The following CNOT1 variants were observed in gnomAD, a reference collection of about 807,000 sequenced individuals.
CNOT1 encodes CCR4-NOT transcription complex subunit 1.
In CNOT1, 15 loss-of-function variants were observed where a neutral mutation model predicts 273.8. The observed-to-expected ratio is 0.05, with a 90% CI of 0.04 to 0.08. The LOEUF (loss-of-function observed/expected upper bound fraction) is 0.08. Among genes scored for constraint, CNOT1 ranks in the 10% least tolerant of loss-of-function variants. The pLI is 1.00. For missense variants in CNOT1, 1,644 were observed against 2,912.2 expected (o/e 0.56, Z 10.02); for synonymous variants, 1,022 against 1,005.5 (o/e 1.02, Z -0.31).
chr16:58,602,573 A>AAAC (rs1449398753), intron 1 of CNOT1, among the ~76,000 whole-genome samples: 12 of 148,024 alleles, frequency 8.1e-5, no homozygotes, highest in African/African-American at 2.7e-4. Context: ...AAAAAAAAAA[A>AAAC]AAAACCCATC....
Position 58,578,897 on chromosome 16 carries a change from C to T in CNOT1, c.1386G>A (p.Glu462=). 4 of 1,614,182 alleles carry T rather than the reference C, an allele frequency of 2.5e-6. No homozygotes were observed. Among genetic ancestry groups the T allele is most frequent in the Non-Finnish European group, 3.4e-6 (4 of 1,180,038 alleles). ...DLIESLLRLA[E]VGQYEQVKQL... is the part of the protein sequence containing the mutation. ...GTTTGACTTGCTCATACTGCCCAAC[C>T]TCTGCAAGCCTCAGCAGAGATTCAA... The change falls in exon 13 of 49, where the codon GAG becomes GAA. Residue 462 remains glutamate (E), a synonymous_variant. Coordinates refer to ENST00000317147, the MANE Select transcript of CNOT1 (RefSeq NM_016284.5).
At chr16:58,627,778 A>G (rs1490790588) in intron 1 of CNOT1, among the ~76,000 whole-genome samples, 1 of 152,218 alleles carries the variant, frequency 6.6e-6, no homozygotes, top group Non-Finnish European at 1.5e-5. Context: ...TTACAATCTT[A>G]GGTAAGAAAA....
chr16:58,566,819 C>T (rs1447246111), intron 16 of CNOT1, among the ~76,000 whole-genome samples: 7 of 152,138 alleles, frequency 4.6e-5, no homozygotes, highest in East Asian at 1.9e-4. Flanking sequence ...TTTTTAGTAG[C>T]GATGGGATTT....
At chr16:58,524,289 C>CTTT (rs1180260274) in intron 46 of CNOT1, among the ~76,000 whole-genome samples, 1 of 150,888 alleles carries the variant, frequency 6.6e-6, no homozygotes, top group East Asian at 2.0e-4. Flanking sequence ...TCACAGCCCT[C>CTTT]CTAAAAAGGT....
At chr16:58,600,005 G>A (rs907554533) in intron 1 of CNOT1, among the ~76,000 whole-genome samples, 1 of 152,018 alleles carries the variant, frequency 6.6e-6, no homozygotes, top group Non-Finnish European at 1.5e-5. Context: ...AGAGGGTGCA[G>A]TCAGCTGAGA....
At position 58,587,505 on chromosome 16, in the gene CNOT1, T is replaced by C. The variant is rs763088607; in HGVS notation, c.310-92A>G. 193 of 1,535,222 alleles carry C rather than the reference T, an allele frequency of 1.3e-4. 1 individual carries two copies. The East Asian group carries it at 1.4e-3, about 11-fold the overall frequency. On this transcript the variant is annotated intron_variant, in intron 4 of 48. Coordinates refer to ENST00000317147, the MANE Select transcript of CNOT1 (RefSeq NM_016284.5). ...CTGTTTGCCCAAGGATGGCACTACATAGGAGTTGCTTAATTCTGTAGTGTT... is the reference window on the plus strand; with the variant it reads ...CTGTTTGCCCAAGGATGGCACTACACAGGAGTTGCTTAATTCTGTAGTGTT...
chr16:58,540,165 G>A (rs893072009), intron 34 of CNOT1: 45 of 450,008 alleles, frequency 1.0e-4, no homozygotes, highest in Non-Finnish European at 1.7e-4. Flanking sequence ...AGGCATAAGG[G>A]AAGAGGTGTT....
chr16:58,591,657 G>A (rs12924944), intron 2 of CNOT1, among the ~76,000 whole-genome samples: 58,942 of 151,568 alleles, frequency 0.39, 12,840 homozygotes, highest in African/African-American at 0.59. Context: ...AGGAGGCTGA[G>A]GCTGGAGAAT....
intron 7 of CNOT1, among the ~76,000 whole-genome samples, 167 bp from the exon 8 acceptor site, chr16:58,585,673 T>C (rs1453552529): frequency 6.6e-6 from 1 of 152,220 alleles, no homozygotes; most frequent in Non-Finnish European, 1.5e-5. Flanking sequence ...TTAACATCAA[T>C]TCCAAAATTT....
At position 58,534,404 on chromosome 16, in the gene CNOT1, G is replaced by A. The variant is rs1274615483; in HGVS notation, c.5647-9C>T. The stretch of plus-strand genomic sequence containing the variant: ...ATTCCTTGCTGGTGCATCTACAACA[G>A]GAACAAAAAATAAAGACACAATGAG... On this transcript the variant is annotated splice_polypyrimidine_tract_variant and intron_variant, in intron 39 of 48. Transcript: ENST00000317147. The A allele has an allele frequency of 6.2e-7, 1 of 1,608,672 alleles. No homozygotes were observed. Among genetic ancestry groups the A allele is most frequent in the Non-Finnish European group, 8.5e-7 (1 of 1,176,896 alleles).
intron 13 of CNOT1, among the ~76,000 whole-genome samples, chr16:58,578,451 T>TG (rs2041541551): frequency 1.3e-5 from 1 of 74,808 alleles, no homozygotes; most frequent in African/African-American, 5.3e-5. Flanking sequence ...AGACACCATC[T>TG]CAAAAAAAAA....
At position 58,582,901 on chromosome 16, in the gene CNOT1, A is replaced by C; in HGVS notation, c.936T>G (p.Ser312Arg). The C allele has an allele frequency of 6.2e-7, 1 of 1,612,758 alleles. No individual in the cohort carries two copies. The highest frequency in any genetic ancestry group is 1.1e-5 in the South Asian group (1 of 91,052). ...SGLTDGIPLQ[S>R]ISAPGSGIWS... is the part of the protein sequence containing the mutation. ...AGATCCCACTGCCCGGAGCAGAAAT[A>C]CTCTGTAGAAGTAAAACTTGAATTA... Residue 312 changes from serine (S) to arginine (R), a missense_variant and splice_region_variant, in exon 10 of 49, where the codon AGT (serine) becomes AGG (arginine). Physicochemically the swap from Ser to Arg is moderately radical, Grantham distance 110. Transcript: ENST00000317147.
At chr16:58,590,149 G>A (rs1255318882) in intron 2 of CNOT1, among the ~76,000 whole-genome samples, 2 of 152,246 alleles carry the variant, frequency 1.3e-5, no homozygotes, top group African/African-American at 2.4e-5. Flanking sequence ...CTACCTACAC[G>A]TTGGGCTACA....
intron 1 of CNOT1, among the ~76,000 whole-genome samples, chr16:58,600,337 A>C (rs1017585123): frequency 1.6e-4 from 25 of 152,172 alleles, no homozygotes; most frequent in Non-Finnish European, 2.4e-4. Context: ...GTCTCAAAAA[A>C]AGAAAATACT....
At chr16:58,623,703 G>A (rs939674025) in intron 1 of CNOT1, among the ~76,000 whole-genome samples, 1 of 152,024 alleles carries the variant, frequency 6.6e-6, no homozygotes, top group East Asian at 1.9e-4. Context: ...CCTAAGTGTT[G>A]GCCGGGTACA....
intron 22 of CNOT1, among the ~76,000 whole-genome samples, chr16:58,553,379 A>T (rs1192018618): frequency 6.6e-6 from 1 of 152,202 alleles, no homozygotes; most frequent in Non-Finnish European, 1.5e-5. Flanking sequence ...TATGTGTAAC[A>T]GTTTTGGCTC....
Position 58,575,073 on chromosome 16 carries a change from T to G in CNOT1, c.1761A>C (p.Ala587=). The G allele has an allele frequency of 6.2e-7, 1 of 1,614,120 alleles. No individual in the cohort carries two copies. Among genetic ancestry groups the G allele is most frequent in the East Asian group, 2.2e-5 (1 of 44,870 alleles). ...TGAGGTATTCACGACGTGAAGCAAG[T>G]GCAGCAAGGTCAATAACAAAGGCAA... ...TPFAFVIDLA[A]LASRREYLKL... The change falls in exon 15 of 49, where the codon GCA becomes GCC. Residue 587 remains alanine, a synonymous_variant. Transcript: ENST00000317147.
intron 16 of CNOT1, among the ~76,000 whole-genome samples, chr16:58,560,756 G>C (rs1349754477): frequency 6.6e-6 from 1 of 152,174 alleles, no homozygotes; most frequent in Admixed American, 6.5e-5. Context: ...TGAGCGTAGT[G>C]GTTCATGCCT....
Position 58,551,724 on chromosome 16 carries a change from A to C in CNOT1, c.3066T>G (p.Ala1022=). 6.2e-7 allele frequency: 1 copy of C among 1,614,124 alleles called. No homozygotes were observed. The highest frequency in any genetic ancestry group is 8.5e-7 in the Non-Finnish European group (1 of 1,179,990). Reference sequence around the variant, plus strand: ...GAGCTTTTGCTGGAACCTGGGCCTGAGCCTGGGCCTGAGCCAGTGCAATAC... The same window carrying C: ...GAGCTTTTGCTGGAACCTGGGCCTGCGCCTGGGCCTGAGCCAGTGCAATAC... ...PGSIALAQAQ[A]QAQVPAKAPL... The change falls in exon 23 of 49, where the codon GCT becomes GCG. Residue 1022 remains alanine (A), a synonymous_variant. Coordinates refer to ENST00000317147, the MANE Select transcript of CNOT1 (RefSeq NM_016284.5).
Sources: gnomAD v4.1 joint callset for allele counts (sites outside exome capture counted in the v4.1 genomes callset) on GRCh38, gnomAD v4.1.1 for gene constraint, MANE v1.5 for transcripts, NCBI Gene and HGNC (gene_info 2026-07-23, HGNC 2026-07-21) for gene names.